Variants in KLF16 observed in about 807,000 individuals in gnomAD.
The protein encoded by KLF16 is Krueppel-like factor 16.
Under a neutral mutation model 6.1 loss-of-function variants are expected in KLF16, and 6 were observed. The ratio of observed to expected loss-of-function variants is 0.98; its 90% CI spans 0.54 to 1.93. KLF16 has a LOEUF of 1.93. Ranked by LOEUF, KLF16 falls within the 30% of genes most tolerant of loss-of-function variation. The probability of loss-of-function intolerance (pLI) is 0.01; values close to 1 mark genes in which losing one functional copy is unlikely to be tolerated. For missense variants in KLF16, 355 were observed against 363.8 expected (o/e 0.98, Z 0.20); for synonymous variants, 211 against 176.5 (o/e 1.20, Z -1.55).
At chr19:1,874,746 C>CAAAAAAAAAAAAAAAA in the KLF16 span, 3 of 41,976 alleles carry the variant, frequency 7.1e-5, 1 homozygote, top group Non-Finnish European at 4.6e-5. Context: ...GTCAGAGTCC[C>CAAAAAAAAAAAAAAAA]AAAAAAAAAA....
chr19:1,854,818 C>A, intron 1 of KLF16, 58 bp from the exon 2 acceptor site: 1 of 1,559,070 alleles, frequency 6.4e-7, no homozygotes, highest in Non-Finnish European at 8.7e-7. Flanking sequence ...AGATGACAGA[C>A]ACGTTCCAGC....
chr19:1,872,131 G>C, the KLF16 span, among the ~76,000 whole-genome samples: 2 of 152,018 alleles, frequency 1.3e-5, no homozygotes, highest in African/African-American at 4.8e-5. Flanking sequence ...GGTGGCGGTG[G>C]TTTTTCGTTG....
intron 1 of KLF16, chr19:1,860,502 G>C (rs2012042834): frequency 6.6e-6 from 1 of 152,280 alleles, no homozygotes; most frequent in African/African-American, 2.4e-5. Context: ...GCCAGGCCAC[G>C]ACTGGTGTTC....
At chr19:1,867,123 C>T (rs1460962637), upstream of KLF16, among the ~76,000 whole-genome samples, 11 of 152,170 alleles carry the variant, frequency 7.2e-5, no homozygotes, top group Admixed American at 4.6e-4. Context: ...AAGAACACAA[C>T]GGGACTCTCA....
chr19:1,872,225 G>A, the KLF16 span, among the ~76,000 whole-genome samples: 1 of 152,140 alleles, frequency 6.6e-6, no homozygotes, highest in Admixed American at 6.6e-5. Context: ...CCGCCCCCTG[G>A]GTTCAAGCGA....
upstream of KLF16, among the ~76,000 whole-genome samples, chr19:1,868,548 G>A (rs1277150557): frequency 3.6e-5 from 5 of 138,904 alleles, no homozygotes; most frequent in Non-Finnish European, 6.1e-5. Context: ...ACACGATCTC[G>A]GCTCACTGCA....
At chr19:1,862,733 G>T in intron 1 of KLF16, 2 of 348,332 alleles carry the variant, frequency 5.7e-6, no homozygotes, top group East Asian at 4.1e-5. Context: ...AAAAAAAACG[G>T]AACAAGGCCC....
the KLF16 span, among the ~76,000 whole-genome samples, chr19:1,873,219 T>TA: frequency 6.6e-6 from 1 of 152,152 alleles, no homozygotes; most frequent in East Asian, 1.9e-4. Context: ...CACAGCGTCA[T>TA]AAGAGCTTGG....
intron 1 of KLF16, chr19:1,861,611 C>T (rs1188814347): frequency 6.6e-6 from 1 of 152,334 alleles, no homozygotes; most frequent in Non-Finnish European, 1.5e-5. Context: ...TCTTGACGCC[C>T]TCGGTTCCCG....
chr19:1,865,782 C>T (rs1033771143), upstream of KLF16, among the ~76,000 whole-genome samples: 1 of 152,256 alleles, frequency 6.6e-6, no homozygotes, highest in Non-Finnish European at 1.5e-5. Context: ...AACACTCAGG[C>T]AACCCATGAC....
chr19:1,854,537 G>C lies in KLF16; in HGVS notation c.681C>G (p.Pro227=), dbSNP rs778044148. ...LRRPGARSTS[P]SDSLPCSLAG... ...CCAGGCTGCAGGGCAGCGAGTCGCT[G>C]GGGGAGGTACTGCGGGCACCAGGGC... Residue 227 remains proline (P), a synonymous_variant, in exon 2 of 2, where the codon CCC becomes CCG. Coordinates refer to ENST00000250916, the MANE Select transcript of KLF16 (RefSeq NM_031918.4). 6.5e-6 allele frequency: 10 copies of C among 1,540,922 alleles called. No homozygotes were observed. Among genetic ancestry groups the C allele is most frequent in the Non-Finnish European group, 8.7e-6 (10 of 1,152,236 alleles).
At chr19:1,868,374 G>A (rs910517282), upstream of KLF16, among the ~76,000 whole-genome samples, 5 of 151,734 alleles carry the variant, frequency 3.3e-5, no homozygotes, top group Admixed American at 3.3e-4. Context: ...TAGGATGTGA[G>A]GAGAAAGGGG....
the KLF16 span, chr19:1,875,377 A>ATAC: frequency 4.6e-5 from 7 of 152,368 alleles, no homozygotes; most frequent in East Asian, 1.3e-3. Flanking sequence ...GTTAAGTATA[A>ATAC]GAGCCCCAAG....
At position 1,857,198 on chromosome 19, in the gene KLF16, G is replaced by C. The variant is rs964696054; in HGVS notation, c.458-2438C>G. On this transcript the variant is annotated intron_variant, in intron 1 of 1. Transcript: ENST00000250916. The surrounding 1 kb of genome is among the most constrained non-coding windows in gnomAD (Gnocchi z 4.7). ...GTGGGTGGCGGGGCAGGGGGTGCAC[G>C]GGCTACCCACCCACGCTGCGCTGGG... is the stretch of plus-strand genomic sequence containing the variant. Among the ~76,000 whole-genome samples, 1 of 152,190 alleles carries C rather than the reference G, an allele frequency of 6.6e-6. No homozygotes were observed. The highest frequency in any genetic ancestry group is 2.4e-5 in the African/African-American group (1 of 41,452).
Position 1,863,554 on chromosome 19 carries a change from G to C in KLF16, c.-57C>G, listed in dbSNP as rs1239488918. 5 of 877,412 alleles carry C rather than the reference G, an allele frequency of 5.7e-6. No individual in the cohort carries two copies. In the African/African-American group the frequency reaches 9.2e-5, roughly 16 times the overall value. The allele number at this position is 877,412 out of a possible 1,614,324, so 54.4% of individuals were successfully genotyped here. On this transcript the variant is annotated 5_prime_UTR_variant, in exon 1 of 2. Transcript: ENST00000250916. ...AGCGGAGGCGGCGGGAGCGGCGTCC[G>C]TCCGGCCGGCGGCGGCTGCTCGAGT...
the KLF16 span, among the ~76,000 whole-genome samples, chr19:1,872,360 G>A: frequency 5.3e-5 from 8 of 152,306 alleles, no homozygotes; most frequent in East Asian, 1.4e-3. Context: ...TCGACCTCCT[G>A]ACCTCAGGTC....
At position 1,853,978 on chromosome 19, in the gene KLF16, G is replaced by C. The variant is rs1184346183; in HGVS notation, c.*481C>G. On this transcript the variant is annotated 3_prime_UTR_variant, in exon 2 of 2. Transcript: ENST00000250916. The stretch of plus-strand genomic sequence containing the variant: ...CCCTGAACTACTCCCATGGCTTTCG[G>C]TGGGGTGGGGGTGGGGTGGGGAGAG... 1.1e-5 allele frequency: 1 copy of C among 92,094 alleles called. No homozygotes were observed. The highest frequency in any genetic ancestry group is 4.4e-5 in the African/African-American group (1 of 22,818). The allele number at this position is 92,094 out of a possible 1,614,324, so 5.7% of individuals were successfully genotyped here.
Position 1,863,135 on chromosome 19 carries a change from GGAGGGCGCGGCGCC to G in KLF16, c.349_362del (p.Gly117ArgfsTer39). 7.5e-7 allele frequency: 1 copy of G among 1,337,496 alleles called. No individual in the cohort carries two copies. The allele number at this position is 1,337,496 out of a possible 1,614,324, so 82.9% of individuals were successfully genotyped here. On this transcript the variant is annotated frameshift_variant, in exon 1 of 2. Coordinates refer to ENST00000250916, the MANE Select transcript of KLF16 (RefSeq NM_031918.4). LOFTEE classifies it high-confidence loss of function. ...GACAGCGGTGGCTCTTGGCGGCGGC[GGAGGGCGCGGCGCC>G]GGGGGCGCGGCCCGAGGACGGGGAC... is the stretch of plus-strand genomic sequence containing the variant.
intron 1 of KLF16, among the ~76,000 whole-genome samples, chr19:1,861,033 G>A (rs1599195049): frequency 6.6e-6 from 1 of 151,890 alleles, no homozygotes; most frequent in East Asian, 1.9e-4. Flanking sequence ...CGCGCCATCA[G>A]CACAACTGCA....
Sources: allele counts gnomAD v4.1 joint callset (sites outside exome capture counted in the v4.1 genomes callset), GRCh38; gene constraint gnomAD v4.1.1; non-coding constraint Gnocchi (gnomAD v3.1); transcripts MANE v1.5; gene names NCBI Gene and HGNC (gene_info 2026-07-23, HGNC 2026-07-21).